HSPA12A: variants seen among roughly 807,000 people sequenced by gnomAD.
HSPA12A encodes the protein heat shock protein family A (Hsp70) member 12A, also known as heat shock 70 kDa protein 12A.
Under a neutral mutation model 69.2 loss-of-function variants are expected in HSPA12A, and 28 were observed. That is an observed-to-expected ratio of 0.40 (90% CI 0.30 to 0.55). The LOEUF is 0.55. Ranked by LOEUF, HSPA12A falls within the 20% of genes least tolerant of loss-of-function variation. HSPA12A has a pLI of 0.38. For missense variants in HSPA12A, 686 were observed against 900.7 expected (o/e 0.76, Z 3.05); for synonymous variants, 345 against 370.5 (o/e 0.93, Z 0.79).
In HSPA12A at chr10:116,676,305, C is replaced by A. The variant is rs1333481433; in HGVS notation, c.1390+94G>T. ...CCTGTGGCTCCCAGATCCAGGCCAA[C>A]CTGACTCCACAGGCACCAGCTGGTG... On this transcript the variant is annotated intron_variant, in intron 11 of 11. Coordinates refer to ENST00000369209, the MANE Select transcript of HSPA12A (RefSeq NM_025015.3). 9 of 1,081,244 alleles carry A rather than the reference C, an allele frequency of 8.3e-6. No individual in the cohort carries two copies. In the African/African-American group the frequency reaches 1.4e-4, roughly 17 times the overall value. 67.0% of individuals were successfully genotyped at this position (1,081,244 alleles called of 1,614,324 possible).
rs544751136 is a variant in HSPA12A, at chr10:116,678,147, T to C, written c.1286+1356A>G. Among the ~76,000 whole-genome samples, 126 of 152,082 alleles carry C rather than the reference T, an allele frequency of 8.3e-4. 1 individual carries two copies. The highest frequency in any genetic ancestry group is 2.6e-3 in the African/African-American group (106 of 41,510). On this transcript the variant is annotated intron_variant, in intron 10 of 11. Coordinates refer to ENST00000369209, the MANE Select transcript of HSPA12A (RefSeq NM_025015.3). ...ATGAGGAAGGAGTGATGGACCAAGA[T>C]GGTGGCCATGGAGCCACCCCTAATG...
intron 2 of HSPA12A, among the ~76,000 whole-genome samples, chr10:116,798,286 A>G (rs1162239229): frequency 6.6e-6 from 1 of 152,110 alleles, no homozygotes; most frequent in Admixed American, 6.5e-5. Flanking sequence ...AAGGTAACCA[A>G]CTGTCTTGGT....
chr10:116,827,239 TTTCTTTGGCTCCAAA>T (rs1411745116), intron 2 of HSPA12A, among the ~76,000 whole-genome samples: 2 of 152,172 alleles, frequency 1.3e-5, no homozygotes, highest in East Asian at 3.9e-4. Flanking sequence ...CATAAGGAGC[TTTCTTTGGCTCCAAA>T]TTCCCCCACC....
chr10:116,715,643 T>C (rs1850580687), intron 1 of HSPA12A, among the ~76,000 whole-genome samples: 1 of 152,214 alleles, frequency 6.6e-6, no homozygotes, highest in Non-Finnish European at 1.5e-5. Flanking sequence ...TGCTCTGCTT[T>C]TGTATGTTTA....
intron 1 of HSPA12A, chr10:116,835,209 T>C (rs939258105): frequency 2.5e-5 from 8 of 314,168 alleles, no homozygotes; most frequent in South Asian, 1.6e-4. Context: ...ACCTACTTGT[T>C]GTGTGGCCTT....
intron 2 of HSPA12A, among the ~76,000 whole-genome samples, chr10:116,763,841 C>T (rs1171302289): frequency 6.6e-6 from 1 of 152,114 alleles, no homozygotes; most frequent in Non-Finnish European, 1.5e-5. Flanking sequence ...CCAAAATAAT[C>T]ATAAATTATG....
chr10:116,818,700 G>A (rs967455217), intron 2 of HSPA12A, among the ~76,000 whole-genome samples: 5 of 152,216 alleles, frequency 3.3e-5, no homozygotes, highest in South Asian at 2.1e-4. Context: ...GTGGTCTGAT[G>A]TCCCAGAGGG....
At chr10:116,705,082 AT>A (rs1850199817) in intron 3 of HSPA12A, 68 bp downstream of exon 3, 1 of 1,589,378 alleles carries the variant, frequency 6.3e-7, no homozygotes, top group East Asian at 2.2e-5. Flanking sequence ...TCACTGGCTC[AT>A]TGCCCGGAGT....
chr10:116,697,023 C>A (rs1264470840), intron 5 of HSPA12A, among the ~76,000 whole-genome samples: 1 of 152,068 alleles, frequency 6.6e-6, no homozygotes, highest in African/African-American at 2.4e-5. Context: ...CTGACCCTGA[C>A]CACACACTCC....
intron 1 of HSPA12A, among the ~76,000 whole-genome samples, chr10:116,709,463 A>C (rs1850359419): frequency 6.6e-6 from 1 of 152,056 alleles, no homozygotes; most frequent in Admixed American, 6.6e-5. Flanking sequence ...AAAAAAAAAA[A>C]AGATGAAGGG....
intron 1 of HSPA12A, among the ~76,000 whole-genome samples, chr10:116,838,238 C>A (rs1045733301): frequency 1.3e-5 from 2 of 151,942 alleles, no homozygotes; most frequent in Non-Finnish European, 2.9e-5. Context: ...AAACAGAAAC[C>A]CCATTCGTAC....
chr10:116,683,000 G>A (rs184279155), intron 7 of HSPA12A, among the ~76,000 whole-genome samples: 267 of 151,630 alleles, frequency 1.8e-3, no homozygotes, highest in Non-Finnish European at 3.0e-3. Context: ...ACCACGCCCG[G>A]CCCCACAATT....
At chr10:116,804,924 G>A (rs1845036261) in intron 2 of HSPA12A, among the ~76,000 whole-genome samples, 1 of 152,206 alleles carries the variant, frequency 6.6e-6, no homozygotes, top group Non-Finnish European at 1.5e-5. Context: ...AAAAAAGATA[G>A]GCGAGCCTTG....
chr10:116,826,972 G>A (rs1006275441), intron 2 of HSPA12A, among the ~76,000 whole-genome samples: 4 of 152,272 alleles, frequency 2.6e-5, no homozygotes, highest in Non-Finnish European at 5.9e-5. Flanking sequence ...TCATTTGCTC[G>A]AGGTCATAGA....
intron 2 of HSPA12A, among the ~76,000 whole-genome samples, chr10:116,792,979 C>G (rs1295196199): frequency 6.6e-6 from 1 of 152,106 alleles, no homozygotes; most frequent in Non-Finnish European, 1.5e-5. Flanking sequence ...TGACAGCTGA[C>G]TTTTTATTGG....
chr10:116,687,580 C>T, intron 6 of HSPA12A, among the ~76,000 whole-genome samples: 1 of 152,316 alleles, frequency 6.6e-6, no homozygotes, highest in East Asian at 1.9e-4. Flanking sequence ...CCCAGGCTCT[C>T]AAAAACCCAG....
At chr10:116,791,659 T>C (rs1168486487) in intron 2 of HSPA12A, among the ~76,000 whole-genome samples, 2 of 152,182 alleles carry the variant, frequency 1.3e-5, no homozygotes, top group Non-Finnish European at 2.9e-5. Flanking sequence ...TTTTACCCAA[T>C]TCAAGTTGTC....
intron 2 of HSPA12A, among the ~76,000 whole-genome samples, chr10:116,825,777 A>G (rs909845230): frequency 6.6e-5 from 10 of 152,156 alleles, no homozygotes; most frequent in Admixed American, 4.6e-4. Flanking sequence ...TCTAAAATTG[A>G]TCATGGTGAT....
intron 7 of HSPA12A, among the ~76,000 whole-genome samples, chr10:116,683,259 G>C (rs569575083): frequency 6.6e-6 from 1 of 152,068 alleles, no homozygotes; most frequent in African/African-American, 2.4e-5. Context: ...AAGAGGAAAA[G>C]CTTTTTAAAA....
Sources: allele counts gnomAD v4.1 joint callset (sites outside exome capture counted in the v4.1 genomes callset), GRCh38; gene constraint gnomAD v4.1.1; transcripts MANE v1.5; gene names NCBI Gene and HGNC (gene_info 2026-07-23, HGNC 2026-07-21).